Variants in PDE4B observed in about 807,000 individuals in gnomAD.
PDE4B encodes 3',5'-cyclic-AMP phosphodiesterase 4B.
A neutral mutation model predicts 82.2 loss-of-function variants in PDE4B; 20 were observed. That is an observed-to-expected ratio of 0.24 (90% CI 0.17 to 0.35). The LOEUF is 0.35. PDE4B is among the 10% of genes least tolerant of loss of function. PDE4B has a pLI of 1.00. For synonymous variants in PDE4B, 320 were observed against 318.9 expected (o/e 1.00, Z -0.04); for missense variants, 655 against 907.2 (o/e 0.72, Z 3.57).
At chr1:66,302,810 T>G (rs1481563942) in intron 7 of PDE4B, among the ~76,000 whole-genome samples, 1 of 152,156 alleles carries the variant, frequency 6.6e-6, no homozygotes, top group Non-Finnish European at 1.5e-5. Context: ...GATCGACAAT[T>G]AATTATAAAA....
intron 7 of PDE4B, among the ~76,000 whole-genome samples, chr1:66,326,341 C>T (rs949738420): frequency 5.9e-5 from 9 of 152,186 alleles, no homozygotes; most frequent in Non-Finnish European, 1.2e-4. Flanking sequence ...AGAAATAGAT[C>T]ATTGCCAACC....
chr1:66,060,155 T>C (rs1655509993), intron 3 of PDE4B, among the ~76,000 whole-genome samples: 1 of 152,218 alleles, frequency 6.6e-6, no homozygotes, highest in Non-Finnish European at 1.5e-5. Flanking sequence ...ATTTATATCT[T>C]GTGGTTTTCA....
At chr1:66,024,372 T>C (rs552702561) in intron 3 of PDE4B, among the ~76,000 whole-genome samples, 135 of 152,248 alleles carry the variant, frequency 8.9e-4, no homozygotes, top group African/African-American at 2.7e-3. Context: ...GCCATCCAAC[T>C]TGCATCACTT....
At chr1:66,277,948 A>G (rs561703507) in intron 7 of PDE4B, among the ~76,000 whole-genome samples, 3 of 152,308 alleles carry the variant, frequency 2.0e-5, no homozygotes, top group South Asian at 4.1e-4. Context: ...TTACATGTTT[A>G]ATGGGGATAA....
intron 3 of PDE4B, among the ~76,000 whole-genome samples, chr1:66,077,348 C>T (rs191656891): frequency 6.6e-6 from 1 of 152,234 alleles, no homozygotes; most frequent in African/African-American, 2.4e-5. Context: ...ACATTTAACA[C>T]GTGTCAACTT....
chr1:65,967,964 C>G (rs1489211731), intron 3 of PDE4B, among the ~76,000 whole-genome samples: 1 of 151,884 alleles, frequency 6.6e-6, no homozygotes, highest in Non-Finnish European at 1.5e-5. Flanking sequence ...ATGTGTATAC[C>G]TATGTAACAA....
intron 7 of PDE4B, among the ~76,000 whole-genome samples, chr1:66,296,431 T>C (rs1657518448): frequency 6.6e-6 from 1 of 152,182 alleles, no homozygotes; most frequent in South Asian, 2.1e-4. Context: ...GCAATTCTTT[T>C]TCTGTTGCCA....
chr1:66,191,517 G>T (rs1410150326), intron 3 of PDE4B, among the ~76,000 whole-genome samples: 1 of 152,260 alleles, frequency 6.6e-6, no homozygotes, highest in South Asian at 2.1e-4. Flanking sequence ...CAAAGTAAAT[G>T]TGAGCCACAT....
intron 3 of PDE4B, among the ~76,000 whole-genome samples, chr1:66,225,642 C>T (rs1465515038): frequency 1.3e-5 from 2 of 152,212 alleles, no homozygotes; most frequent in Admixed American, 6.5e-5. Context: ...TCTAGAAATT[C>T]TAAACTGAAT....
intron 3 of PDE4B, chr1:66,048,849 C>G (rs753059733): frequency 6.6e-6 from 1 of 151,960 alleles, no homozygotes; most frequent in Non-Finnish European, 1.5e-5. Flanking sequence ...AAGAAGTCCA[C>G]TCTTAACATA....
intron 3 of PDE4B, among the ~76,000 whole-genome samples, chr1:65,926,629 G>A (rs918844482): frequency 1.5e-4 from 23 of 152,136 alleles, no homozygotes; most frequent in African/African-American, 5.3e-4. Flanking sequence ...AGGAACATCT[G>A]AGTTTGCAAT....
At chr1:65,935,035 T>C (rs945548211) in intron 3 of PDE4B, among the ~76,000 whole-genome samples, 5 of 152,182 alleles carry the variant, frequency 3.3e-5, no homozygotes, top group African/African-American at 1.2e-4. Context: ...TATAAAATAT[T>C]CATCTCATAG....
chr1:66,006,566 T>C (rs756827961), intron 3 of PDE4B, among the ~76,000 whole-genome samples: 61 of 152,032 alleles, frequency 4.0e-4, no homozygotes, highest in Admixed American at 7.9e-4. Context: ...GGCAACATGG[T>C]GAGTGATATG....
At chr1:65,999,320 A>C (rs1651731753) in intron 3 of PDE4B, among the ~76,000 whole-genome samples, 1 of 152,142 alleles carries the variant, frequency 6.6e-6, no homozygotes, top group Admixed American at 6.6e-5. Flanking sequence ...CTTAGAAAAA[A>C]ATCTCAAACG....
At chr1:66,368,673 T>C (rs1663433019) in intron 15 of PDE4B, 114 bp from the exon 16 acceptor site, 1 of 710,520 alleles carries the variant, frequency 1.4e-6, no homozygotes, top group Non-Finnish European at 2.1e-6. Context: ...ATAATTATAA[T>C]GCAACTAAAA....
In PDE4B at chr1:66,371,094, C is replaced by CTACA. The variant is rs2050749443; in HGVS notation, c.1846-1217_1846-1216insCATA. Among the ~76,000 whole-genome samples, 3 of 74,842 alleles carry CTACA rather than the reference C, an allele frequency of 4.0e-5. No individual in the cohort carries two copies. In the East Asian group the frequency reaches 2.4e-3, roughly 59 times the overall value. The allele number at this position is 74,842 out of a possible 152,430, so 49.1% of individuals were successfully genotyped here. A position where few individuals can be genotyped will look rare whatever the true frequency, so the allele number is the denominator to read the frequency against. On this transcript the variant is annotated intron_variant, in intron 16 of 16. Coordinates refer to ENST00000341517, the MANE Select transcript of PDE4B (RefSeq NM_002600.4). Reference sequence around the variant, plus strand: ...TATATATATATACACACACATCATACTATATATATATATATATATATATAT... The same window carrying CTACA: ...TATATATATATACACACACATCATACTACATATATATATATATATATATATATAT...
At chr1:66,297,054 C>T (rs2312065) in intron 7 of PDE4B, among the ~76,000 whole-genome samples, 11,240 of 152,130 alleles carry the variant, frequency 0.074, 966 homozygotes, top group East Asian at 0.35. Context: ...CATCGCCCAT[C>T]GGCATTTGAC....
chr1:65,832,254 A>G (rs1341678597), intron 1 of PDE4B, among the ~76,000 whole-genome samples: 8 of 152,198 alleles, frequency 5.3e-5, no homozygotes, highest in Admixed American at 1.3e-4. Context: ...CCATTGCAGG[A>G]TGAAACTTTA....
chr1:65,988,425 C>G (rs1651065006), intron 3 of PDE4B, among the ~76,000 whole-genome samples: 1 of 152,054 alleles, frequency 6.6e-6, no homozygotes, highest in Non-Finnish European at 1.5e-5. Context: ...ACAGCATACA[C>G]TGCTGGAAGA....
Sources: gnomAD v4.1 joint callset for allele counts (sites outside exome capture counted in the v4.1 genomes callset) on GRCh38, gnomAD v4.1.1 for gene constraint, MANE v1.5 for transcripts, NCBI Gene and HGNC (gene_info 2026-07-23, HGNC 2026-07-21) for gene names.